Variants in FN1 observed in about 807,000 individuals in gnomAD.
FN1 encodes the protein fibronectin 1.
A neutral mutation model predicts 297.3 loss-of-function variants in FN1; 106 were observed. The ratio of observed to expected loss-of-function variants is 0.36; its 90% CI spans 0.30 to 0.42. The LOEUF is 0.42. FN1 is among the 10% of genes least tolerant of loss of function. FN1 has a pLI of 1.00. For synonymous variants in FN1, 1,149 were observed against 1,152.6 expected, an observed-to-expected ratio of 1.00 and a Z score of 0.06; for missense variants, 2,690 against 3,124.9, an observed-to-expected ratio of 0.86 and a Z score of 3.32.
intron 41 of FN1, among the ~76,000 whole-genome samples, chr2:215,369,115 G>C (rs977071800): frequency 1.2e-4 from 18 of 146,346 alleles, no homozygotes; most frequent in African/African-American, 3.8e-4. Flanking sequence ...GAGTTTAAAA[G>C]AAAAATGGAA....
At chr2:215,434,223 C>T (rs1575924513) in intron 2 of FN1, among the ~76,000 whole-genome samples, 1 of 152,266 alleles carries the variant, frequency 6.6e-6, no homozygotes, top group Non-Finnish European at 1.5e-5. Flanking sequence ...GACAGAGTTG[C>T]TATAATTTAT....
intron 26 of FN1, among the ~76,000 whole-genome samples, chr2:215,388,732 G>A (rs1026064888): frequency 1.3e-5 from 2 of 152,172 alleles, no homozygotes; most frequent in African/African-American, 2.4e-5. Context: ...GTCATACAAC[G>A]TACTGCATAT....
At chr2:215,419,146 G>A (rs2063842604) in intron 12 of FN1, 96 bp downstream of exon 12, 1 of 1,029,792 alleles carries the variant, frequency 9.7e-7, no homozygotes. Flanking sequence ...GGAAAGAGGG[G>A]AGACCCCCAA....
chr2:215,389,362 C>CAAGG lies in FN1; in HGVS notation c.4253-1062_4253-1061insCCTT, dbSNP rs539483873. 6.6e-3 allele frequency among the ~76,000 whole-genome samples: 1,005 copies of CAAGG among 152,242 alleles called. 2 individuals carry two copies. Among genetic ancestry groups the CAAGG allele is most frequent in the Non-Finnish European group, 0.01 (684 of 68,014 alleles). On this transcript the variant is annotated intron_variant, in intron 26 of 45. Coordinates refer to ENST00000354785, the MANE Select transcript of FN1 (RefSeq NM_212482.4). ...TTGTGATCCACCCGCCTTGGCCTCT[C>CAAGG]AAAGTGCTGGGATTACAGGCGTGAG...
chr2:215,392,458 C>A, intron 25 of FN1: 1 of 200,256 alleles, frequency 5.0e-6, no homozygotes, highest in Non-Finnish European at 1.0e-5. Context: ...CAAAACAATG[C>A]CCATCCACTC....
At position 215,380,844 on chromosome 2, in the gene FN1, C is replaced by A. The variant is rs776274803; in HGVS notation, c.5401G>T (p.Glu1801Ter). 42 of 1,613,614 alleles carry A rather than the reference C, an allele frequency of 2.6e-5. No individual in the cohort carries two copies. The highest frequency in any genetic ancestry group is 3.6e-5 in the Non-Finnish European group (42 of 1,180,008). Residue 1801 changes from glutamate (E) to a stop codon, truncating the protein, a stop_gained, in exon 33 of 46, where the codon GAG (glutamate) becomes TAG (stop). Coordinates refer to ENST00000354785, the MANE Select transcript of FN1 (RefSeq NM_212482.4). LOFTEE classifies it high-confidence loss of function. ...TGGGTTCCAATCAGGGGCTGGCTCT[C>A]CATATCATCGTGCAAGGCAACCACA... Reference protein sequence around the residue: ...VSVVALHDDMESQPLIGTQST... With the variant: ...VSVVALHDDM
intron 40 of FN1, 160 bp downstream of exon 40, chr2:215,371,749 A>C: frequency 4.6e-6 from 3 of 656,346 alleles, no homozygotes; most frequent in Non-Finnish European, 8.2e-6. Flanking sequence ...CTAACCTCAA[A>C]TGATCCACCT....
intron 35 of FN1, 63 bp downstream of exon 35, chr2:215,378,112 T>G: frequency 9.8e-7 from 1 of 1,024,800 alleles, no homozygotes; most frequent in Non-Finnish European, 1.5e-6. Context: ...CCCACTGATT[T>G]ACCATTCTTT....
intron 18 of FN1, 74 bp downstream of exon 18, chr2:215,407,053 C>T: frequency 2.6e-6 from 3 of 1,145,066 alleles, no homozygotes; most frequent in East Asian, 4.7e-5. Flanking sequence ...GGACTGTTGA[C>T]AGAGACAAAA....
intron 42 of FN1, chr2:215,367,592 A>G (rs1251326910): frequency 2.2e-6 from 1 of 458,724 alleles, no homozygotes; most frequent in African/African-American, 2.0e-5. Context: ...TTTTCACAGA[A>G]AATTTCAAAA....
intron 34 of FN1, among the ~76,000 whole-genome samples, chr2:215,378,514 A>T (rs1234226744): frequency 1.4e-5 from 2 of 142,566 alleles, no homozygotes; most frequent in Admixed American, 1.3e-4. Flanking sequence ...CTAAGCTGGT[A>T]AAAAAAATGA....
At chr2:215,383,904 G>A in intron 30 of FN1, 116 bp downstream of exon 30, 4 of 1,163,520 alleles carry the variant, frequency 3.4e-6, no homozygotes, top group Non-Finnish European at 5.1e-6. Flanking sequence ...GCTGCAGGTT[G>A]TTGCTCATTA....
At chr2:215,411,443 A>T (rs1029034682) in intron 13 of FN1, among the ~76,000 whole-genome samples, 1 of 152,184 alleles carries the variant, frequency 6.6e-6, no homozygotes. Context: ...TGAAATTTTA[A>T]CTCAAATACA....
At chr2:215,389,350 G>A (rs573784747) in intron 26 of FN1, among the ~76,000 whole-genome samples, 154 of 152,134 alleles carry the variant, frequency 1.0e-3, no homozygotes, top group African/African-American at 3.5e-3. Flanking sequence ...TGATCCACCC[G>A]CCTTGGCCTC....
At chr2:215,434,512 G>A (rs1445600107) in intron 2 of FN1, among the ~76,000 whole-genome samples, 184 bp downstream of exon 2, 1 of 152,106 alleles carries the variant, frequency 6.6e-6, no homozygotes, top group African/African-American at 2.4e-5. Context: ...GGAAAGATTC[G>A]TTTCTTTGTT....
At position 215,405,441 on chromosome 2, in the gene FN1, C is replaced by A. The variant is rs35223740; in HGVS notation, c.2987-786G>T. 2.7e-3 allele frequency among the ~76,000 whole-genome samples: 405 copies of A among 152,240 alleles called. 1 individual carries two copies. Among genetic ancestry groups the A allele is most frequent in the Non-Finnish European group, 4.7e-3 (322 of 68,018 alleles). On this transcript the variant is annotated intron_variant, in intron 19 of 45. Transcript: ENST00000354785. Reference sequence around the variant, plus strand: ...CCTCAGTTTCTTTAAGTATTCAATACGGATACTAGTAAGACCTTCCGGCTG... The same window carrying A: ...CCTCAGTTTCTTTAAGTATTCAATAAGGATACTAGTAAGACCTTCCGGCTG...
Position 215,363,241 on chromosome 2 carries a change from T to C in FN1, c.7252-1162A>G, listed in dbSNP as rs969300973. ...TAAGTGTCGCACATGAAAGGTTTCA[T>C]GTGCATAAATAATGAGAAGATGCTG... is the stretch of plus-strand genomic sequence containing the variant. On this transcript the variant is annotated intron_variant, in intron 44 of 45. Coordinates refer to ENST00000354785, the MANE Select transcript of FN1 (RefSeq NM_212482.4). 3 of 152,320 alleles carry C rather than the reference T, an allele frequency of 2.0e-5. No homozygotes were observed. In the East Asian group the frequency reaches 5.8e-4, roughly 29 times the overall value. 9.4% of individuals were successfully genotyped at this position (152,320 alleles called of 1,614,324 possible).
At chr2:215,403,763 C>T (rs983263106) in intron 20 of FN1, among the ~76,000 whole-genome samples, 1 of 152,150 alleles carries the variant, frequency 6.6e-6, no homozygotes, top group Non-Finnish European at 1.5e-5. Context: ...TGAGGAATTT[C>T]AAGAGTAATT....
At chr2:215,401,250 GGAAGAAAGA>G (rs1559475845) in intron 20 of FN1, among the ~76,000 whole-genome samples, 3,448 of 44,548 alleles carry the variant, frequency 0.077, 161 homozygotes, top group East Asian at 0.22. Context: ...AAGAAAGAAA[GGAAGAAAGA>G]AAGGAAGGAA....
Sources: gnomAD v4.1 joint callset for allele counts (sites outside exome capture counted in the v4.1 genomes callset) on GRCh38, gnomAD v4.1.1 for gene constraint, MANE v1.5 for transcripts, NCBI Gene and HGNC (gene_info 2026-07-23, HGNC 2026-07-21) for gene names.